NPHP4: variants seen among roughly 807,000 people sequenced by gnomAD.
NPHP4 encodes nephrocystin 4.
Under a neutral mutation model 155.8 loss-of-function variants are expected in NPHP4, and 151 were observed. That is an observed-to-expected ratio of 0.97 (90% CI 0.85 to 1.11). The LOEUF (loss-of-function observed/expected upper bound fraction) is 1.11, where lower values mean the gene tolerates loss of function less well. Ranked by LOEUF, NPHP4 falls within the 50% of genes least tolerant of loss-of-function variation. The pLI, the probability that NPHP4 is intolerant of heterozygous loss-of-function variation, is 0.00. For missense variants in NPHP4, 1,956 were observed against 1,925.7 expected (o/e 1.02, Z -0.29); for synonymous variants, 845 against 816.8 (o/e 1.03, Z -0.59).
chr1:5,926,313 C>T (rs976584247), intron 11 of NPHP4, among the ~76,000 whole-genome samples: 2 of 152,156 alleles, frequency 1.3e-5, no homozygotes, highest in Admixed American at 6.5e-5. Context: ...AGTTTTGGTA[C>T]CGGAATATTC....
At chr1:5,915,121 T>C (rs1645402243) in intron 11 of NPHP4, among the ~76,000 whole-genome samples, 2 of 152,140 alleles carry the variant, frequency 1.3e-5, no homozygotes, top group African/African-American at 4.8e-5. Flanking sequence ...AGAGAAGTCC[T>C]GAGGGAGGAG....
intron 9 of NPHP4, among the ~76,000 whole-genome samples, chr1:5,939,822 AG>A (rs1646732432): frequency 6.6e-6 from 1 of 152,228 alleles, no homozygotes; most frequent in Non-Finnish European, 1.5e-5. Flanking sequence ...CTTGGATTTA[AG>A]GAACTTGGGA....
intron 11 of NPHP4, among the ~76,000 whole-genome samples, chr1:5,914,560 C>T (rs1475569837): frequency 6.6e-6 from 1 of 152,238 alleles, no homozygotes; most frequent in African/African-American, 2.4e-5. Flanking sequence ...TTTCAATATG[C>T]ATGCGCATTG....
At position 5,868,568 on chromosome 1, in the gene NPHP4, CCATACA is replaced by C. The variant is rs201264538; in HGVS notation, c.3316-678_3316-673del. On this transcript the variant is annotated intron_variant, in intron 23 of 29. Transcript: ENST00000378156. The stretch of plus-strand genomic sequence containing the variant: ...TGCACTCATGCACCCACACATGCAC[CCATACA>C]CATACACATACATGCACACCCACAT... Among the ~76,000 whole-genome samples, 969 of 145,850 alleles carry C rather than the reference CCATACA, an allele frequency of 6.6e-3. 7 individuals are homozygous for C. Among genetic ancestry groups the C allele is most frequent in the African/African-American group, 0.022 (886 of 39,408 alleles).
chr1:5,875,388 G>GC lies in NPHP4; in HGVS notation c.2818-289dup, dbSNP rs746250354. Among the ~76,000 whole-genome samples, 14 of 152,304 alleles carry GC rather than the reference G, an allele frequency of 9.2e-5. No homozygotes were observed. The South Asian group carries it at 2.1e-3, about 23-fold the overall frequency. ...GAGACTCTTCACAGACACGAGTCTGGCCCCCCGCACGGTGGAGAATCAGAA... is the reference window on the plus strand; with the variant it reads ...GAGACTCTTCACAGACACGAGTCTGGCCCCCCCGCACGGTGGAGAATCAGAA... On this transcript the variant is annotated intron_variant, in intron 20 of 29. Transcript: ENST00000378156.
intron 6 of NPHP4, among the ~76,000 whole-genome samples, chr1:5,958,856 C>CAAAAAAAAAAAAAAAAA (rs397705325): frequency 1.3e-5 from 1 of 75,902 alleles, no homozygotes. Context: ...GACCCTGTCT[C>CAAAAAAAAAAAAAAAAA]AAAAAAAAAA....
At chr1:5,891,900 G>C (rs1644147890) in intron 16 of NPHP4, among the ~76,000 whole-genome samples, 1 of 152,204 alleles carries the variant, frequency 6.6e-6, no homozygotes. Flanking sequence ...CAAGACCAGA[G>C]GACAAGGAGT....
Position 5,893,187 on chromosome 1 carries a change from G to A in NPHP4, c.2144-2159C>T, listed in dbSNP as rs367702464. Among the ~76,000 whole-genome samples the A allele has an allele frequency of 1.5e-3, 223 of 152,242 alleles. 1 individual carries two copies. The highest frequency in any genetic ancestry group is 0.014 in the Middle Eastern group (4 of 294). On this transcript the variant is annotated intron_variant, in intron 16 of 29. Transcript: ENST00000378156. The stretch of plus-strand genomic sequence containing the variant: ...CTGTGGGGACCAGCCTCACAGGGTC[G>A]GTGGGTCTCTCCCCGTGTGCGGCAA...
intron 1 of NPHP4, among the ~76,000 whole-genome samples, chr1:5,988,313 C>A (rs1033222317): frequency 2.6e-5 from 4 of 152,232 alleles, no homozygotes; most frequent in Non-Finnish European, 5.9e-5. Context: ...ATTTCCTTCA[C>A]ATACTTCAAC....
chr1:5,956,374 G>C (rs899370271), intron 6 of NPHP4, among the ~76,000 whole-genome samples: 4 of 152,256 alleles, frequency 2.6e-5, no homozygotes, highest in Non-Finnish European at 5.9e-5. Flanking sequence ...AGCTGAAGAT[G>C]CAAGTCCCAC....
At chr1:5,988,501 T>A (rs1655805056) in intron 1 of NPHP4, among the ~76,000 whole-genome samples, 1 of 152,238 alleles carries the variant, frequency 6.6e-6, no homozygotes, top group South Asian at 2.1e-4. Context: ...TGTTAACATG[T>A]CACAGCCTTA....
chr1:5,887,081 T>C (rs1643866559), intron 18 of NPHP4: 1 of 577,414 alleles, frequency 1.7e-6, no homozygotes, highest in Non-Finnish European at 3.1e-6. Flanking sequence ...CTAACCCCAA[T>C]CAGAAATTCA....
chr1:5,869,283 A>T (rs570832302), intron 23 of NPHP4, among the ~76,000 whole-genome samples: 1 of 150,514 alleles, frequency 6.6e-6, no homozygotes, highest in Non-Finnish European at 1.5e-5. Context: ...ATGCATCCAT[A>T]CATGTACACA....
At chr1:5,874,441 G>T in intron 22 of NPHP4, 30 bp downstream of exon 22, 1 of 1,489,306 alleles carries the variant, frequency 6.7e-7, no homozygotes, top group Non-Finnish European at 9.0e-7. Flanking sequence ...TCAGCCAAAT[G>T]CAACTTCCCT....
chr1:5,898,631 C>T (rs1644515346), intron 16 of NPHP4, among the ~76,000 whole-genome samples: 1 of 152,240 alleles, frequency 6.6e-6, no homozygotes, highest in Non-Finnish European at 1.5e-5. Context: ...GGCATTCTCC[C>T]ATCTACGCGC....
intron 11 of NPHP4, among the ~76,000 whole-genome samples, chr1:5,913,271 T>G (rs531582665): frequency 2.4e-4 from 37 of 151,608 alleles, no homozygotes; most frequent in African/African-American, 8.5e-4. Context: ...CAGAGCCAGA[T>G]CTGAGAAGAG....
intron 7 of NPHP4, among the ~76,000 whole-genome samples, chr1:5,948,870 A>C (rs749786090): frequency 1.8e-4 from 27 of 152,228 alleles, no homozygotes; most frequent in Non-Finnish European, 3.2e-4. Flanking sequence ...TCTTAACAAA[A>C]ATGTACAGGC....
intron 16 of NPHP4, 101 bp from the exon 17 acceptor site, chr1:5,891,129 C>T: frequency 1.3e-6 from 1 of 769,226 alleles, no homozygotes; most frequent in Non-Finnish European, 1.9e-6. Context: ...CTAATTTCTG[C>T]TTCTGTCATA....
intron 11 of NPHP4, among the ~76,000 whole-genome samples, chr1:5,916,268 C>T (rs1395230368): frequency 3.3e-5 from 5 of 152,078 alleles, no homozygotes; most frequent in Non-Finnish European, 5.9e-5. Flanking sequence ...TATTCATAAC[C>T]GAGAGCCAAA....
Sources: gnomAD v4.1 joint callset for allele counts (sites outside exome capture counted in the v4.1 genomes callset) on GRCh38, gnomAD v4.1.1 for gene constraint, MANE v1.5 for transcripts, NCBI Gene and HGNC (gene_info 2026-07-23, HGNC 2026-07-21) for gene names.